The following MAGI2 variants were observed in gnomAD, a reference collection of about 807,000 sequenced individuals.
MAGI2 encodes the protein membrane associated guanylate kinase, WW and PDZ domain containing 2, also known as membrane-associated guanylate kinase, WW and PDZ domain-containing protein 2.
MAGI2 carries 35 observed loss-of-function variants against 133.3 expected under a neutral mutation model. The observed-to-expected ratio is 0.26, with a 90% CI of 0.20 to 0.35. The LOEUF is 0.35. Ranked by LOEUF, MAGI2 falls within the 10% of genes least tolerant of loss-of-function variation. The pLI is 1.00. For missense variants in MAGI2, 1,636 were observed against 1,863.4 expected (o/e 0.88, Z 2.25); for synonymous variants, 729 against 710.6 (o/e 1.03, Z -0.41).
intron 6 of MAGI2, among the ~76,000 whole-genome samples, chr7:78,421,432 G>T (rs1282005437): frequency 6.6e-6 from 1 of 152,190 alleles, no homozygotes; most frequent in Non-Finnish European, 1.5e-5. Flanking sequence ...ACTTTGAAAA[G>T]ATTTACTTAA....
chr7:79,058,454 T>C (rs942966053), intron 1 of MAGI2, among the ~76,000 whole-genome samples: 3 of 152,142 alleles, frequency 2.0e-5, no homozygotes, highest in East Asian at 1.9e-4. Context: ...GAGCTGGACA[T>C]GTACCTACTC....
chr7:78,813,403 A>T (rs1223039903), intron 2 of MAGI2, among the ~76,000 whole-genome samples: 2 of 152,230 alleles, frequency 1.3e-5, no homozygotes, highest in Non-Finnish European at 2.9e-5. Flanking sequence ...GAATCTATTA[A>T]TGTTACCACA....
chr7:78,460,759 G>A (rs147514825), intron 6 of MAGI2, among the ~76,000 whole-genome samples: 2 of 152,324 alleles, frequency 1.3e-5, no homozygotes, highest in East Asian at 3.9e-4. Context: ...AAGTGAAAAT[G>A]CTATATAACC....
rs180995668 is a variant in MAGI2 at position 78,277,087 on chromosome 7, A to G, written c.1409-20506T>C. On this transcript the variant is annotated intron_variant, in intron 9 of 21. Coordinates refer to ENST00000354212, the MANE Select transcript of MAGI2 (RefSeq NM_012301.4). ...TCTAATCAGCATGAGTGAGTCAACT[A>G]GTGTAACTTACATTAGTTTGATGTA... Among the ~76,000 whole-genome samples the G allele has an allele frequency of 3.5e-4, 53 of 152,312 alleles. No individual in the cohort carries two copies. In the East Asian group the frequency reaches 9.1e-3, roughly 26 times the overall value.
At chr7:78,402,319 C>T (rs1434342463) in intron 6 of MAGI2, among the ~76,000 whole-genome samples, 2 of 144,882 alleles carry the variant, frequency 1.4e-5, no homozygotes, top group African/African-American at 5.2e-5. Context: ...GTGTGTGTAT[C>T]CACCTAGGGT....
At position 78,461,279 on chromosome 7, in the gene MAGI2, T is replaced by A. The variant is rs893769112; in HGVS notation, c.1045+28482A>T. Reference sequence around the variant, plus strand: ...AATAATTTGATAAATAAAAGCACTCTAAGAGAGGGTTTGTTTCCTTATTGG... The same window carrying A: ...AATAATTTGATAAATAAAAGCACTCAAAGAGAGGGTTTGTTTCCTTATTGG... On this transcript the variant is annotated intron_variant, in intron 6 of 21. Coordinates refer to ENST00000354212, the MANE Select transcript of MAGI2 (RefSeq NM_012301.4). Among the ~76,000 whole-genome samples, 17 of 152,256 alleles carry A rather than the reference T, an allele frequency of 1.1e-4. No homozygotes were observed. In the South Asian group the frequency reaches 2.5e-3, roughly 22 times the overall value.
At chr7:79,051,156 A>T (rs1812637457) in intron 1 of MAGI2, among the ~76,000 whole-genome samples, 1 of 152,192 alleles carries the variant, frequency 6.6e-6, no homozygotes, top group Admixed American at 6.5e-5. Flanking sequence ...ATATTGAGAT[A>T]CCTGGTCATA....
chr7:78,396,097 T>C (rs1333718625), intron 6 of MAGI2, among the ~76,000 whole-genome samples: 1 of 152,194 alleles, frequency 6.6e-6, no homozygotes, highest in Non-Finnish European at 1.5e-5. Flanking sequence ...TAAATCAGCC[T>C]ACAGGACAAT....
At position 78,160,245 on chromosome 7, in the gene MAGI2, A is replaced by G. The variant is rs1170649753; in HGVS notation, c.2625T>C (p.Ser875=). The G allele has an allele frequency of 6.2e-7, 1 of 1,602,746 alleles. No individual in the cohort carries two copies. The highest frequency in any genetic ancestry group is 8.5e-7 in the Non-Finnish European group (1 of 1,173,666). Residue 875 remains serine (S), a synonymous_variant, in exon 16 of 22, where the codon AGT becomes AGC. Coordinates refer to ENST00000354212, the MANE Select transcript of MAGI2 (RefSeq NM_012301.4). ...TGTGGTGGGTGGATACAGAGCCTGG[A>G]CTTCTCCCGTTCTCTGGGCAGGGCT... The part of the protein sequence containing the change: ...GGEPCPENGR[S]PGSVSTHHSS...
At chr7:78,816,523 C>G (rs1212898591) in intron 2 of MAGI2, among the ~76,000 whole-genome samples, 2 of 152,188 alleles carry the variant, frequency 1.3e-5, no homozygotes, top group East Asian at 3.8e-4. Flanking sequence ...GACAGAATGA[C>G]TCTCTTATTA....
chr7:79,197,970 G>C (rs1828239175), intron 1 of MAGI2, among the ~76,000 whole-genome samples: 1 of 151,902 alleles, frequency 6.6e-6, no homozygotes, highest in Non-Finnish European at 1.5e-5. Context: ...AAGAGGGCTG[G>C]GGGTGGTGTC....
At chr7:79,394,218 GT>G (rs1844878961) in intron 1 of MAGI2, among the ~76,000 whole-genome samples, 1 of 152,170 alleles carries the variant, frequency 6.6e-6, no homozygotes, top group Admixed American at 6.5e-5. Context: ...GGCAACTGAA[GT>G]GAACTCTCCT....
rs541173889 is a variant in MAGI2 at position 79,327,987 on chromosome 7, C to T, written c.301+125033G>A. Among the ~76,000 whole-genome samples the T allele has an allele frequency of 3.9e-5, 6 of 152,184 alleles. No homozygotes were observed. In the South Asian group the frequency reaches 1.2e-3, roughly 32 times the overall value. On this transcript the variant is annotated intron_variant, in intron 1 of 21. Transcript: ENST00000354212. ...CAATAATTAAATGGTATGAAAATTT[C>T]AATATATATCATAACTTATTTAACT...
At chr7:78,628,134 G>C in intron 2 of MAGI2, among the ~76,000 whole-genome samples, 1 of 152,184 alleles carries the variant, frequency 6.6e-6, no homozygotes. Context: ...CAGTTTGTGA[G>C]GCAAGAGCAG....
intron 19 of MAGI2, 32 bp from the exon 20 acceptor site, chr7:78,125,869 A>C: frequency 6.2e-7 from 1 of 1,607,198 alleles, no homozygotes; most frequent in Non-Finnish European, 8.5e-7. Flanking sequence ...GGAATAAATA[A>C]TTATTTAGTT....
At chr7:78,285,406 AATTTTGCTAGTC>A (rs2151023929) in intron 9 of MAGI2, among the ~76,000 whole-genome samples, 1 of 152,052 alleles carries the variant, frequency 6.6e-6, no homozygotes, top group East Asian at 1.9e-4. Flanking sequence ...ATTTGTGAGT[AATTTTGCTAGTC>A]ATTTTGCTGG....
At chr7:79,257,456 T>G (rs1333443303) in intron 1 of MAGI2, among the ~76,000 whole-genome samples, 1 of 152,214 alleles carries the variant, frequency 6.6e-6, no homozygotes, top group Non-Finnish European at 1.5e-5. Context: ...AGAGAAAATG[T>G]AAAAAGCATT....
At chr7:78,062,254 G>T (rs1813360004) in intron 21 of MAGI2, among the ~76,000 whole-genome samples, 1 of 152,188 alleles carries the variant, frequency 6.6e-6, no homozygotes, top group Non-Finnish European at 1.5e-5. Context: ...CTAGTTATCC[G>T]AGGTGGGTGT....
At chr7:79,102,505 C>T (rs547180290) in intron 1 of MAGI2, among the ~76,000 whole-genome samples, 3 of 152,210 alleles carry the variant, frequency 2.0e-5, no homozygotes, top group Admixed American at 6.5e-5. Context: ...ACTTTAGCAT[C>T]ATTTAGAGAA....
Sources: allele counts gnomAD v4.1 joint callset (sites outside exome capture counted in the v4.1 genomes callset), GRCh38; gene constraint gnomAD v4.1.1; transcripts MANE v1.5; gene names NCBI Gene and HGNC (gene_info 2026-07-23, HGNC 2026-07-21).